AGGF1: variants seen among roughly 807,000 people sequenced by gnomAD.
AGGF1 encodes angiogenic factor with G patch and FHA domains 1.
AGGF1 carries 56 observed loss-of-function variants against 86.5 expected under a neutral mutation model. That is an observed-to-expected ratio of 0.65 (90% confidence interval 0.52 to 0.81). The LOEUF (loss-of-function observed/expected upper bound fraction) is 0.81. Among genes scored for constraint, AGGF1 ranks in the 30% least tolerant of loss-of-function variants. The probability of loss-of-function intolerance (pLI) is 0.00; values close to 1 mark genes in which losing one functional copy is unlikely to be tolerated. For synonymous variants in AGGF1, 313 were observed against 297.1 expected (o/e 1.05, Z -0.55); for missense variants, 816 against 850.9 (o/e 0.96, Z 0.51).
chr5:77,043,646 T>C (rs1464954361), intron 5 of AGGF1, among the ~76,000 whole-genome samples: 3 of 69,896 alleles, frequency 4.3e-5, no homozygotes, highest in Admixed American at 1.4e-4. Context: ...CCCACCTCCC[T>C]CCCGGATGGG....
chr5:77,038,615 A>G (rs998803113), intron 4 of AGGF1, among the ~76,000 whole-genome samples: 1 of 152,142 alleles, frequency 6.6e-6, no homozygotes, highest in African/African-American at 2.4e-5. Context: ...AAATCTAAAT[A>G]TTTTTTGTAA....
chr5:77,041,988 C>T (rs1343967778), intron 5 of AGGF1, among the ~76,000 whole-genome samples: 1 of 151,022 alleles, frequency 6.6e-6, no homozygotes, highest in African/African-American at 2.4e-5. Context: ...TCCCTGGGTA[C>T]TTGAGATTAG....
In AGGF1 at chr5:77,063,039, CT is replaced by C. The variant is rs1484864576; in HGVS notation, c.1945-9del. 1.3e-5 allele frequency: 21 copies of C among 1,613,832 alleles called. No individual in the cohort carries two copies. Among genetic ancestry groups the C allele is most frequent in the Admixed American group, 3.3e-5 (2 of 59,994 alleles). On this transcript the variant is annotated splice_polypyrimidine_tract_variant and intron_variant, in intron 13 of 13. Coordinates refer to ENST00000312916, the MANE Select transcript of AGGF1 (RefSeq NM_018046.5). ...ACTCTAAAATAAGTCCTCTGCTCAA[CT>C]TTTGGTAACAGATCCAGCTTCAGCT...
In AGGF1 at chr5:77,063,923, A is replaced by C. The variant is rs1337439940; in HGVS notation, c.*671A>C. Reference sequence around the variant, plus strand: ...TATTTAGATATGAACAACTGAATACATATTGAAATAGTGTGCTGGCTTTTG... The same window carrying C: ...TATTTAGATATGAACAACTGAATACCTATTGAAATAGTGTGCTGGCTTTTG... On this transcript the variant is annotated 3_prime_UTR_variant, in exon 14 of 14. Coordinates refer to ENST00000312916, the MANE Select transcript of AGGF1 (RefSeq NM_018046.5). 25 of 152,722 alleles carry C rather than the reference A, an allele frequency of 1.6e-4. No individual in the cohort carries two copies. The highest frequency in any genetic ancestry group is 5.9e-5 in the Non-Finnish European group (4 of 68,112). 9.5% of individuals were successfully genotyped at this position (152,722 alleles called of 1,614,324 possible).
chr5:77,034,648 T>A, intron 2 of AGGF1, 128 bp downstream of exon 2: 1 of 708,368 alleles, frequency 1.4e-6, no homozygotes. Context: ...TTGACGTCTC[T>A]CCATATGATA....
At chr5:77,045,980 T>A (rs1561287481) in intron 5 of AGGF1, among the ~76,000 whole-genome samples, 2 of 152,260 alleles carry the variant, frequency 1.3e-5, no homozygotes, top group Non-Finnish European at 2.9e-5. Context: ...TGGACACCAT[T>A]GGTCTAGGCT....
At chr5:77,044,059 G>T (rs1747197466) in intron 5 of AGGF1, among the ~76,000 whole-genome samples, 1 of 127,756 alleles carries the variant, frequency 7.8e-6, no homozygotes, top group African/African-American at 3.0e-5. Context: ...TCCTAGATGG[G>T]ATGGCGGCCG....
chr5:77,030,677 G>A lies in AGGF1; in HGVS notation c.-90G>A, dbSNP rs1367054050. ...GGTGTGAGGCTGCCTTTCGCTGCCC[G>A]CGCGCTCCAGTGGTCTCTGGGTCCG... On this transcript the variant is annotated 5_prime_UTR_variant, in exon 1 of 14. Transcript: ENST00000312916. 3.5e-6 allele frequency: 5 copies of A among 1,434,850 alleles called. No homozygotes were observed. In the East Asian group the frequency reaches 7.4e-5, roughly 21 times the overall value. 88.9% of individuals were successfully genotyped at this position (1,434,850 alleles called of 1,614,324 possible). A position where few individuals can be genotyped will look rare whatever the true frequency, so the allele number is the denominator to read the frequency against.
chr5:77,035,677 C>A lies in AGGF1; in HGVS notation c.450C>A (p.Tyr150Ter), dbSNP rs1746954692. Residue 150 changes from tyrosine to a stop codon, truncating the protein, a stop_gained, in exon 3 of 14, where the codon TAC becomes TAA. Transcript: ENST00000312916. LOFTEE classifies it high-confidence loss of function. ...ATTTACAAGTAGAAAATGATGCTTA[C>A]CCTGGTACCGATAGAACAGAAAATG... ...KDHLQVENDA[Y>*]PGTDRTENVK... The A allele has an allele frequency of 6.2e-7, 1 of 1,613,606 alleles. No individual in the cohort carries two copies.
Position 77,063,129 on chromosome 5 carries a change from C to T in AGGF1, c.2022C>T (p.Leu674=). Residue 674 remains leucine, a synonymous_variant, in exon 14 of 14, where the codon CTC becomes CTT. Coordinates refer to ENST00000312916, the MANE Select transcript of AGGF1 (RefSeq NM_018046.5). Reference sequence around the variant, plus strand: ...CCTCATTTGAAGATGTTCACCTTCTCCAAAACAAGAACAAAAAAAACTGGG... The same window carrying T: ...CCTCATTTGAAGATGTTCACCTTCTTCAAAACAAGAACAAAAAAAACTGGG... The part of the protein sequence containing the change: ...KPSSFEDVHL[L]QNKNKKNWDK... The T allele has an allele frequency of 1.2e-6, 2 of 1,613,938 alleles. No individual in the cohort carries two copies. The highest frequency in any genetic ancestry group is 2.2e-5 in the South Asian group (2 of 91,078).
intron 8 of AGGF1, among the ~76,000 whole-genome samples, chr5:77,049,880 ATGTTTTCTG>A (rs973857036): frequency 1.9e-4 from 29 of 151,408 alleles, no homozygotes; most frequent in African/African-American, 7.0e-4. Flanking sequence ...TTCCTGTACT[ATGTTTTCTG>A]TGTTTTCTCT....
chr5:77,037,866 AG>A (rs1221498686), intron 4 of AGGF1, among the ~76,000 whole-genome samples: 1 of 152,254 alleles, frequency 6.6e-6, no homozygotes, highest in Admixed American at 6.5e-5. Flanking sequence ...TGACTAGGAT[AG>A]AACCAGAAAA....
chr5:77,047,574 C>T (rs1056868988), intron 6 of AGGF1, among the ~76,000 whole-genome samples: 5 of 150,862 alleles, frequency 3.3e-5, no homozygotes, highest in Non-Finnish European at 7.4e-5. Flanking sequence ...AGTGCAGTGG[C>T]GCAGTCTCGG....
chr5:77,035,952 G>T, intron 3 of AGGF1: 1 of 528,736 alleles, frequency 1.9e-6, no homozygotes, highest in East Asian at 3.4e-5. Flanking sequence ...CTACTACATT[G>T]TGTTCCAAAA....
rs577443886 is a variant in AGGF1, at chr5:77,033,423, A to G, written c.211-995A>G. ...GCATCAAGTATAGTGCCCAGCATGT[A>G]GTAGATACTAAGTAATCTAATTCAT... On this transcript the variant is annotated intron_variant, in intron 1 of 13. Transcript: ENST00000312916. Among the ~76,000 whole-genome samples the G allele has an allele frequency of 5.9e-5, 9 of 152,326 alleles. No individual in the cohort carries two copies. The South Asian group carries it at 1.9e-3, about 32-fold the overall frequency.
At chr5:77,049,091 C>T (rs1479787928) in intron 8 of AGGF1, 104 bp downstream of exon 8, 6 of 1,084,242 alleles carry the variant, frequency 5.5e-6, no homozygotes, top group South Asian at 3.9e-5. Flanking sequence ...GGAAGGTTAA[C>T]ATGCAGTGTA....
In AGGF1 at chr5:77,059,664, G is replaced by A; in HGVS notation, c.1765G>A (p.Asp589Asn). Residue 589 changes from aspartate (D) to asparagine (N), a missense_variant, in exon 12 of 14, where the codon GAT becomes AAT. Asp to Asn is a conservative substitution (Grantham distance 23). Transcript: ENST00000312916. ...GACATTGAAGAATCCAAAATATAAA[G>A]ATAGAGCTGGAAAACGTAGGGAGCA... ...EKTLKNPKYK[D>N]RAGKRREQVG... is the part of the protein sequence containing the mutation. 1 of 1,613,110 alleles carries A rather than the reference G, an allele frequency of 6.2e-7. No homozygotes were observed.
In AGGF1 at chr5:77,039,700, C is replaced by T. The variant is rs112756044; in HGVS notation, c.851C>T (p.Ser284Phe). The change falls in exon 5 of 14, where the codon TCT (serine) becomes TTT (phenylalanine). Residue 284 changes from serine to phenylalanine, a missense_variant. By Grantham distance (155) the Ser-to-Phe change is radical. Transcript: ENST00000312916. ...LKKKRKDPDS[S>F]ATNEEKDLNS... ...AAGAAAAGAAAAGATCCAGATTCTT[C>T]TGCAACAAATGAGGAAAAGGTAATG... 23 of 1,611,740 alleles carry T rather than the reference C, an allele frequency of 1.4e-5. No homozygotes were observed. The highest frequency in any genetic ancestry group is 5.3e-5 in the African/African-American group (4 of 74,912).
At chr5:77,059,796 A>G (rs1747521851) in intron 12 of AGGF1, 53 bp downstream of exon 12, 1 of 1,606,460 alleles carries the variant, frequency 6.2e-7, no homozygotes, top group Non-Finnish European at 8.5e-7. Context: ...AATAACATTC[A>G]TAGGGTGGTC....
Sources: gnomAD v4.1 joint callset for allele counts (sites outside exome capture counted in the v4.1 genomes callset) on GRCh38, gnomAD v4.1.1 for gene constraint, MANE v1.5 for transcripts, NCBI Gene and HGNC (gene_info 2026-07-23, HGNC 2026-07-21) for gene names.